ABCC10: variants seen among roughly 807,000 people sequenced by gnomAD.
ABCC10 encodes the protein ATP binding cassette subfamily C member 10.
Under a neutral mutation model 143.2 loss-of-function variants are expected in ABCC10, and 110 were observed. The observed-to-expected ratio is 0.77, with a 90% CI of 0.66 to 0.90. The LOEUF (loss-of-function observed/expected upper bound fraction) is 0.90. Ranked by LOEUF, ABCC10 falls within the 40% of genes least tolerant of loss-of-function variation. The pLI is 0.00. For missense variants in ABCC10, 1,700 were observed against 1,900.5 expected, an observed-to-expected ratio of 0.89 and a Z score of 1.96; for synonymous variants, 805 against 846.7, an observed-to-expected ratio of 0.95 and a Z score of 0.85.
intron 9 of ABCC10, 54 bp from the exon 10 acceptor site, chr6:43,442,913 ATCT>A (rs1477294369): frequency 3.5e-6 from 5 of 1,440,500 alleles, no homozygotes; most frequent in East Asian, 2.4e-5. Flanking sequence ...TCACTTTGAG[ATCT>A]TCTCCGGAGA....
At chr6:43,431,582 G>A (rs558548957) in intron 2 of ABCC10, among the ~76,000 whole-genome samples, 53 of 152,128 alleles carry the variant, frequency 3.5e-4, no homozygotes, top group African/African-American at 9.9e-4. Context: ...GGCTGGTCTC[G>A]AACTCCTAAC....
intron 12 of ABCC10, 44 bp downstream of exon 12, chr6:43,444,397 T>C: frequency 6.5e-7 from 1 of 1,547,838 alleles, no homozygotes; most frequent in Non-Finnish European, 8.7e-7. Context: ...ACGGCTGTGC[T>C]GTCTAGGTGC....
chr6:43,432,332 GC>G lies in ABCC10; in HGVS notation c.355del (p.Leu119CysfsTer21). On this transcript the variant is annotated frameshift_variant, in exon 3 of 22. Coordinates refer to ENST00000372530, the MANE Select transcript of ABCC10 (RefSeq NM_001198934.2). LOFTEE classifies it high-confidence loss of function. ...TGTGGCCTGGATCAGCCACAGCCTG[GC>G]CCTGTGGGTGTTGGCACATTCCCCT... ...AAVAWISHSL[A>X]LWVLAHSPHG... The G allele has an allele frequency of 6.2e-7, 1 of 1,613,994 alleles. No homozygotes were observed.
intron 13 of ABCC10, 33 bp from the exon 14 acceptor site, chr6:43,445,092 T>C: frequency 6.2e-7 from 1 of 1,609,920 alleles, no homozygotes; most frequent in Non-Finnish European, 8.5e-7. Flanking sequence ...GGCCCTAGTT[T>C]TGGTTACCGA....
intron 4 of ABCC10, 77 bp downstream of exon 4, chr6:43,434,925 C>A: frequency 6.8e-7 from 1 of 1,467,306 alleles, no homozygotes; most frequent in Non-Finnish European, 9.4e-7. Flanking sequence ...GCCCTCAGTG[C>A]TGGCTGAGAA....
chr6:43,445,633 G>A lies in ABCC10; in HGVS notation c.3065G>A (p.Gly1022Asp), dbSNP rs376738944. The A allele has an allele frequency of 3.1e-6, 5 of 1,613,650 alleles. No homozygotes were observed. The highest frequency in any genetic ancestry group is 4.2e-6 in the Non-Finnish European group (5 of 1,179,628). ...PVTFFNATPT[G>D]RILNRFSSDV... is the part of the protein sequence containing the mutation. ...ACTTTCTTCAATGCCACACCCACGGGCCGGATCCTAAACCGCTTCTCCTCT... is the reference window on the plus strand; with the variant it reads ...ACTTTCTTCAATGCCACACCCACGGACCGGATCCTAAACCGCTTCTCCTCT... The change falls in exon 15 of 22, where the codon GGC becomes GAC. Residue 1022 changes from glycine to aspartate, a missense_variant. Coordinates refer to ENST00000372530, the MANE Select transcript of ABCC10 (RefSeq NM_001198934.2).
In ABCC10 at chr6:43,449,125, T is replaced by A. The variant is rs755293812; in HGVS notation, c.4124T>A (p.Leu1375Gln). Residue 1375 changes from leucine (L) to glutamine (Q), a missense_variant, in exon 20 of 22, where the codon CTG becomes CAG. By Grantham distance (113) the Leu-to-Gln change is moderately radical. Transcript: ENST00000372530. The part of the protein sequence containing the change: ...ITSMGGLDGE[L>Q]GEGGRSLSLG... Reference sequence around the variant, plus strand: ...CTTGCAGGTGGTCTGGATGGTGAGCTGGGTGAGGGGGGCCGGAGCTTATCT... The same window carrying A: ...CTTGCAGGTGGTCTGGATGGTGAGCAGGGTGAGGGGGGCCGGAGCTTATCT... 1 of 1,613,940 alleles carries A rather than the reference T, an allele frequency of 6.2e-7. No individual in the cohort carries two copies. Among genetic ancestry groups the A allele is most frequent in the African/African-American group, 1.3e-5 (1 of 74,904 alleles).
Position 43,447,299 on chromosome 6 carries a change from C to T in ABCC10, c.3596C>T (p.Ser1199Leu), listed in dbSNP as rs561577186. The part of the protein sequence containing the change: ...SYALSLTGLL[S>L]GLVSSFTQTE... The stretch of plus-strand genomic sequence containing the variant: ...GCCCTGTCCCTGACGGGCCTGCTCT[C>T]GGGCCTGGTGAGCAGCTTCACACAG... The change falls in exon 17 of 22, where the codon TCG becomes TTG. Residue 1199 changes from serine (S) to leucine (L), a missense_variant. Coordinates refer to ENST00000372530, the MANE Select transcript of ABCC10 (RefSeq NM_001198934.2). 4.0e-5 allele frequency: 65 copies of T among 1,613,758 alleles called. No homozygotes were observed. The South Asian group carries it at 4.1e-4, about 10-fold the overall frequency.
At position 43,441,732 on chromosome 6, in the gene ABCC10, C is replaced by T. The variant is rs1782495760; in HGVS notation, c.2128-130C>T. 2.2e-5 allele frequency: 14 copies of T among 646,446 alleles called. No individual in the cohort carries two copies. In the East Asian group the frequency reaches 4.0e-4, roughly 18 times the overall value. The allele number at this position is 646,446 out of a possible 1,614,324, so 40.0% of individuals were successfully genotyped here. ...TGTCTTGTCTCCTCTGACTAGCTCA[C>T]CCCAAATTTAAGTCTACTCTCCTCA... On this transcript the variant is annotated intron_variant, in intron 8 of 21. Coordinates refer to ENST00000372530, the MANE Select transcript of ABCC10 (RefSeq NM_001198934.2).
downstream of ABCC10, among the ~76,000 whole-genome samples, chr6:43,451,748 C>T (rs1259827688): frequency 1.3e-5 from 2 of 151,608 alleles, no homozygotes; most frequent in African/African-American, 4.8e-5. The surrounding 1 kb of genome is among the most constrained non-coding windows in gnomAD (Gnocchi z 4.4). Context: ...GAAGAAATGG[C>T]TCAGAAGGTA....
At chr6:43,447,984 T>C in intron 18 of ABCC10, 47 bp downstream of exon 18, 1 of 1,603,294 alleles carries the variant, frequency 6.2e-7, no homozygotes, top group Non-Finnish European at 8.5e-7. Flanking sequence ...CCAGAACTAC[T>C]GGCACTTAGA....
chr6:43,433,030 G>A lies in ABCC10; in HGVS notation c.1050G>A (p.Lys350=). ...LQNQYGYEVY[K]VTLQARGAVL... is the part of the protein sequence containing the mutation. ...ATCAGTATGGGTATGAGGTATATAA[G>A]GTAACACTTCAGGCACGGGGGGCTG... The change falls in exon 3 of 22, where the codon AAG becomes AAA. Residue 350 remains lysine, a synonymous_variant. Coordinates refer to ENST00000372530, the MANE Select transcript of ABCC10 (RefSeq NM_001198934.2). The A allele has an allele frequency of 6.2e-7, 1 of 1,614,136 alleles. No homozygotes were observed. The highest frequency in any genetic ancestry group is 8.5e-7 in the Non-Finnish European group (1 of 1,180,018).
At chr6:43,436,378 C>A in intron 6 of ABCC10, 131 bp downstream of exon 6, 1 of 1,140,794 alleles carries the variant, frequency 8.8e-7, no homozygotes, top group Non-Finnish European at 1.2e-6. Flanking sequence ...GAGGGATAGG[C>A]ATTTGGTGAG....
chr6:43,435,997 C>T, intron 5 of ABCC10, 90 bp downstream of exon 5: 1 of 1,599,064 alleles, frequency 6.3e-7, no homozygotes, highest in South Asian at 1.1e-5. Flanking sequence ...ACCAAGAGGG[C>T]TTAGAGAGAG....
chr6:43,442,210 C>T, intron 9 of ABCC10: 1 of 328,508 alleles, frequency 3.0e-6, no homozygotes. Context: ...TTTGGGAGGC[C>T]AAGGCAGGAG....
At chr6:43,451,822 T>C, downstream of ABCC10, 2 of 1,454,466 alleles carry the variant, frequency 1.4e-6, no homozygotes, top group East Asian at 2.5e-5. This position sits in a 1 kb window ranked among gnomAD's most constrained non-coding sequence, Gnocchi z 4.4. Flanking sequence ...TTTATCTGAG[T>C]GTCCCCGTGT....
rs1659343354 is a variant in ABCC10 at position 43,435,802 on chromosome 6, T to C, written c.1660T>C (p.Phe554Leu). 1.2e-6 allele frequency: 2 copies of C among 1,614,060 alleles called. No individual in the cohort carries two copies. The highest frequency in any genetic ancestry group is 1.1e-5 in the South Asian group (1 of 91,090). ...AATGCTCATTCTTCCTCTCAACAAC[T>C]TCCCTTGGGTGATCAATGGTCTCCT... ...VRMLILPLNNFPWVINGLLEA... is the reference protein window; with the variant it reads ...VRMLILPLNNLPWVINGLLEA... Residue 554 changes from phenylalanine to leucine, a missense_variant, in exon 5 of 22, where the codon TTC becomes CTC. By Grantham distance (22) the Phe-to-Leu change is conservative (BLOSUM62 0). Coordinates refer to ENST00000372530, the MANE Select transcript of ABCC10 (RefSeq NM_001198934.2).
rs773510341 is a variant in ABCC10, at chr6:43,427,891, C to G, written c.-11-77C>G. On this transcript the variant is annotated intron_variant, in intron 1 of 21. Transcript: ENST00000372530. The stretch of plus-strand genomic sequence containing the variant: ...CCCGGTTCCAGGGCGGGGCTGGAGA[C>G]AGGGAGACCCGGCTGGGAAGTGCAG... The G allele has an allele frequency of 4.5e-6, 7 of 1,538,976 alleles. No individual in the cohort carries two copies. The South Asian group carries it at 7.9e-5, about 17-fold the overall frequency.
In ABCC10 at chr6:43,444,899, T is replaced by A; in HGVS notation, c.2801T>A (p.Phe934Tyr). The A allele has an allele frequency of 6.2e-7, 1 of 1,613,892 alleles. No homozygotes were observed. The highest frequency in any genetic ancestry group is 8.5e-7 in the Non-Finnish European group (1 of 1,179,900). ...PSTSPASMGL[F>Y]SPQLLLFSPG... ...ACCAGCCCAGCTTCTATGGGGCTCT[T>A]CTCTCCGCAGCTGCTCCTCTTTTCC... The change falls in exon 13 of 22, where the codon TTC becomes TAC. Residue 934 changes from phenylalanine to tyrosine, a missense_variant. Transcript: ENST00000372530.
Sources: gnomAD v4.1 joint callset for allele counts (sites outside exome capture counted in the v4.1 genomes callset) on GRCh38, gnomAD v4.1.1 for gene constraint, Gnocchi (gnomAD v3.1) non-coding constraint, MANE v1.5 for transcripts, NCBI Gene and HGNC (gene_info 2026-07-23, HGNC 2026-07-21) for gene names.